Variants in PCDHA1 observed in about 807,000 individuals in gnomAD.
PCDHA1 encodes protocadherin alpha-1.
A neutral mutation model predicts 61.3 loss-of-function variants in PCDHA1; 42 were observed. The observed-to-expected ratio is 0.69, with a 90% CI of 0.54 to 0.89. The LOEUF is 0.89. Ranked by LOEUF, PCDHA1 falls within the 40% of genes least tolerant of loss-of-function variation. The pLI is 0.00. For missense variants in PCDHA1, 1,256 were observed against 1,235.3 expected (o/e 1.02, Z -0.25); for synonymous variants, 610 against 553.8 (o/e 1.10, Z -1.43).
At chr5:140,869,849 T>C in intron 1 of PCDHA1, 3 of 1,611,006 alleles carry the variant, frequency 1.9e-6, no homozygotes, top group African/African-American at 1.3e-5. Context: ...GAATATAAGG[T>C]GAGCCTTATG....
At chr5:140,953,527 A>T (rs531720224) in intron 1 of PCDHA1, among the ~76,000 whole-genome samples, 153 of 152,150 alleles carry the variant, frequency 1.0e-3, no homozygotes, top group African/African-American at 2.9e-3. Flanking sequence ...AAAACGGGAA[A>T]CTCACTTCAT....
chr5:140,924,785 C>G (rs2082005933), intron 1 of PCDHA1, among the ~76,000 whole-genome samples: 1 of 151,704 alleles, frequency 6.6e-6, no homozygotes, highest in African/African-American at 2.4e-5. Context: ...GTCCTAGCTA[C>G]TTAGGAGGCT....
At chr5:140,882,961 G>A (rs267600401) in intron 1 of PCDHA1, 1 of 1,614,180 alleles carries the variant, frequency 6.2e-7, no homozygotes, top group Non-Finnish European at 8.5e-7. Context: ...TGCTCATCAC[G>A]ATTCTGGACG....
At chr5:140,911,564 C>A (rs1036102678) in intron 1 of PCDHA1, among the ~76,000 whole-genome samples, 2 of 152,226 alleles carry the variant, frequency 1.3e-5, no homozygotes, top group African/African-American at 4.8e-5. Flanking sequence ...TCTTTCATCA[C>A]TTTGTCCAGT....
chr5:140,967,201 A>G (rs1554229306), intron 1 of PCDHA1: 7 of 1,613,620 alleles, frequency 4.3e-6, no homozygotes, highest in Non-Finnish European at 5.9e-6. Flanking sequence ...ACGACAACTC[A>G]CCGCGTTTCC....
At chr5:140,876,602 G>C (rs572945874) in intron 1 of PCDHA1, 2 of 1,614,180 alleles carry the variant, frequency 1.2e-6, no homozygotes, top group Non-Finnish European at 1.7e-6. Flanking sequence ...GTGTCGGATC[G>C]TGACTCTGGA....
chr5:140,805,234 C>G (rs558765817), intron 1 of PCDHA1: 2 of 1,368,814 alleles, frequency 1.5e-6, no homozygotes, highest in Non-Finnish European at 1.9e-6. Context: ...CTGCTGCATT[C>G]CCCATCTGTA....
chr5:140,938,113 C>CT (rs1337308557), intron 1 of PCDHA1, among the ~76,000 whole-genome samples: 1 of 152,056 alleles, frequency 6.6e-6, no homozygotes, highest in Non-Finnish European at 1.5e-5. Context: ...TACTTTCTCT[C>CT]TTTTTTTAAA....
intron 1 of PCDHA1, among the ~76,000 whole-genome samples, chr5:140,973,691 T>C (rs1420618979): frequency 6.6e-6 from 1 of 152,224 alleles, no homozygotes; most frequent in Non-Finnish European, 1.5e-5. Context: ...GGCCTACTGT[T>C]TCCTTCTGAC....
At chr5:140,802,457 C>T (rs1762919716) in intron 1 of PCDHA1, 1 of 1,614,108 alleles carries the variant, frequency 6.2e-7, no homozygotes, top group South Asian at 1.1e-5. Flanking sequence ...GCGTGTCGGC[C>T]TATGAGCTGG....
rs1777904033 is a variant in PCDHA1, at chr5:140,842,379, C to G, written c.2394+53695C>G. 1.9e-6 allele frequency: 3 copies of G among 1,609,878 alleles called. No individual in the cohort carries two copies. In the Admixed American group the frequency reaches 5.0e-5, roughly 27 times the overall value. On this transcript the variant is annotated intron_variant, in intron 1 of 3. Coordinates refer to ENST00000504120, the MANE Select transcript of PCDHA1 (RefSeq NM_018900.4). Reference sequence around the variant, plus strand: ...GATAACGTCCCTGAGATAGCACTGACTTCCTTATCCTTGCCTGTACGTGAA... The same window carrying G: ...GATAACGTCCCTGAGATAGCACTGAGTTCCTTATCCTTGCCTGTACGTGAA...
At chr5:140,969,045 CCAA>C in intron 1 of PCDHA1, 4 of 1,614,090 alleles carry the variant, frequency 2.5e-6, no homozygotes, top group Non-Finnish European at 3.4e-6. Flanking sequence ...TACAAACAAG[CCAA>C]CAACAATATT....
chr5:140,970,687 CT>C (rs1464659851), intron 1 of PCDHA1, among the ~76,000 whole-genome samples: 1 of 152,078 alleles, frequency 6.6e-6, no homozygotes, highest in Non-Finnish European at 1.5e-5. Flanking sequence ...GTAGAAAGGG[CT>C]TTTAGAGCTA....
chr5:140,810,999 T>C (rs1198881016), intron 1 of PCDHA1: 1 of 152,200 alleles, frequency 6.6e-6, no homozygotes, highest in African/African-American at 2.4e-5. Flanking sequence ...AGATTTATTT[T>C]TATTTCTTCT....
In PCDHA1 at chr5:141,010,341, T is replaced by C. The variant is rs199826290; in HGVS notation, c.*404T>C. ...GAGCAGCTTGGGAGTTTGTGGCCAC[T>C]GGGTATGTGTGGCTACCGCGGGTAT... is the stretch of plus-strand genomic sequence containing the variant. On this transcript the variant is annotated 3_prime_UTR_variant, in exon 4 of 4. Coordinates refer to ENST00000504120, the MANE Select transcript of PCDHA1 (RefSeq NM_018900.4). 1 of 1,503,238 alleles carries C rather than the reference T, an allele frequency of 6.7e-7. No homozygotes were observed. The highest frequency in any genetic ancestry group is 8.9e-7 in the Non-Finnish European group (1 of 1,119,606). The allele number at this position is 1,503,238 out of a possible 1,614,324, so 93.1% of individuals were successfully genotyped here. A position where few individuals can be genotyped will look rare whatever the true frequency, so the allele number is the denominator to read the frequency against.
At chr5:140,911,436 C>G (rs369054235) in intron 1 of PCDHA1, among the ~76,000 whole-genome samples, 14 of 152,124 alleles carry the variant, frequency 9.2e-5, no homozygotes, top group African/African-American at 2.4e-4. Flanking sequence ...TCCAATTTCC[C>G]GCAATTTCAG....
At chr5:140,893,391 G>T (rs1481818388) in intron 1 of PCDHA1, among the ~76,000 whole-genome samples, 1 of 152,158 alleles carries the variant, frequency 6.6e-6, no homozygotes, top group Non-Finnish European at 1.5e-5. Context: ...AGTGGCTCAT[G>T]CCTGTAATCC....
chr5:140,876,723 C>G, intron 1 of PCDHA1: 2 of 1,614,250 alleles, frequency 1.2e-6, no homozygotes, highest in African/African-American at 2.7e-5. Flanking sequence ...ACCGCGAGAG[C>G]GTGTCGGCCT....
rs1436927101 is a variant in PCDHA1 at position 140,886,292 on chromosome 5, T to A, written c.2395-92657T>A. Reference sequence around the variant, plus strand: ...AAATTTTTTAAAATTATTTTTATATTTATTTATTTTTTATTACACTTTAAG... The same window carrying A: ...AAATTTTTTAAAATTATTTTTATATATATTTATTTTTTATTACACTTTAAG... On this transcript the variant is annotated intron_variant, in intron 1 of 3. Coordinates refer to ENST00000504120, the MANE Select transcript of PCDHA1 (RefSeq NM_018900.4). 5.3e-5 allele frequency among the ~76,000 whole-genome samples: 8 copies of A among 152,090 alleles called. No homozygotes were observed. In the East Asian group the frequency reaches 1.3e-3, roughly 26 times the overall value.
Sources: gnomAD v4.1 joint callset for allele counts (sites outside exome capture counted in the v4.1 genomes callset) on GRCh38, gnomAD v4.1.1 for gene constraint, MANE v1.5 for transcripts, NCBI Gene and HGNC (gene_info 2026-07-23, HGNC 2026-07-21) for gene names.